Variants in ATE1 observed in about 807,000 individuals in gnomAD.
ATE1 encodes the protein arginyltransferase 1.
ATE1 carries 36 observed loss-of-function variants against 70.5 expected under a neutral mutation model. The ratio of observed to expected loss-of-function variants is 0.51; its 90% CI spans 0.39 to 0.67. The LOEUF (loss-of-function observed/expected upper bound fraction) is 0.67. Ranked by LOEUF, ATE1 falls within the 30% of genes least tolerant of loss-of-function variation. ATE1 has a pLI of 0.00. For synonymous variants in ATE1, 232 were observed against 219.3 expected (o/e 1.06, Z -0.51); for missense variants, 593 against 629.5 (o/e 0.94, Z 0.62).
chr10:121,927,852 C>T lies in ATE1; in HGVS notation c.98G>A (p.Arg33His), dbSNP rs1952165545. 2 of 1,574,332 alleles carry T rather than the reference C, an allele frequency of 1.3e-6. No individual in the cohort carries two copies. The highest frequency in any genetic ancestry group is 8.6e-7 in the Non-Finnish European group (1 of 1,163,282). Residue 33 changes from arginine to histidine, a missense_variant, in exon 1 of 12, where the codon CGC (arginine) becomes CAC (histidine). Transcript: ENST00000224652. The part of the protein sequence containing the change: ...CGYCKNESGS[R>H]SNGMWAHSMT... ...CGGCCCGGCTCGCTCACCATTGGAGCGGCTGCCCGACTCGTTCTTGCAGTA... is the reference window on the plus strand; with the variant it reads ...CGGCCCGGCTCGCTCACCATTGGAGTGGCTGCCCGACTCGTTCTTGCAGTA...
At chr10:121,754,801 T>G (rs1171494673) in intron 11 of ATE1, among the ~76,000 whole-genome samples, 1 of 152,228 alleles carries the variant, frequency 6.6e-6, no homozygotes, top group East Asian at 1.9e-4. Context: ...TGGAGAAACC[T>G]GGTACATTCC....
intron 8 of ATE1, among the ~76,000 whole-genome samples, chr10:121,847,339 T>C (rs1238108337): frequency 1.3e-5 from 2 of 151,958 alleles, no homozygotes; most frequent in Non-Finnish European, 1.5e-5. Flanking sequence ...TCCCAGTTAC[T>C]CAGGAGGCTG....
intron 10 of ATE1, among the ~76,000 whole-genome samples, chr10:121,794,610 CAAA>C (rs71022866): frequency 1.3e-5 from 1 of 77,540 alleles, no homozygotes; most frequent in African/African-American, 5.1e-5. Context: ...ACCCTGTCTC[CAAA>C]AAAAAAAAAA....
At chr10:121,797,589 TAAAA>T (rs35428247) in intron 10 of ATE1, among the ~76,000 whole-genome samples, 12 of 145,312 alleles carry the variant, frequency 8.3e-5, no homozygotes, top group Non-Finnish European at 9.0e-5. Context: ...TGAGTGGGAG[TAAAA>T]AAAAAAAAAA....
chr10:121,797,582 G>T (rs1946708672), intron 10 of ATE1, among the ~76,000 whole-genome samples: 1 of 51,046 alleles, frequency 2.0e-5, no homozygotes, highest in Non-Finnish European at 4.5e-5. Context: ...TCCTATTTGA[G>T]TGGGAGTAAA....
intron 11 of ATE1, among the ~76,000 whole-genome samples, chr10:121,784,942 C>T (rs1334814333): frequency 6.6e-6 from 1 of 152,102 alleles, no homozygotes; most frequent in African/African-American, 2.4e-5. Flanking sequence ...AGAAGACTGT[C>T]CATATTTTCC....
chr10:121,911,606 A>C (rs879856764), intron 4 of ATE1, among the ~76,000 whole-genome samples: 6 of 152,236 alleles, frequency 3.9e-5, no homozygotes, highest in Admixed American at 3.9e-4. Flanking sequence ...CTGAACTTCT[A>C]CCCTTCCCCA....
intron 10 of ATE1, among the ~76,000 whole-genome samples, chr10:121,830,628 A>G (rs1205999009): frequency 1.3e-5 from 2 of 152,214 alleles, no homozygotes; most frequent in East Asian, 1.9e-4. Context: ...TTAATCCCTC[A>G]GTTACCTAAA....
At chr10:121,902,976 C>T (rs1951041880) in intron 5 of ATE1, among the ~76,000 whole-genome samples, 1 of 149,140 alleles carries the variant, frequency 6.7e-6, no homozygotes, top group African/African-American at 2.5e-5. Flanking sequence ...AGCAATTCTC[C>T]TGCCTCAACC....
intron 10 of ATE1, among the ~76,000 whole-genome samples, chr10:121,800,650 T>C (rs1946841619): frequency 6.6e-6 from 1 of 151,934 alleles, no homozygotes; most frequent in African/African-American, 2.4e-5. Context: ...CACTGAACAT[T>C]AGTAGCACTG....
chr10:121,760,103 T>G (rs79833940), intron 11 of ATE1, among the ~76,000 whole-genome samples: 3 of 152,358 alleles, frequency 2.0e-5, no homozygotes, highest in East Asian at 3.9e-4. Context: ...TCAGTTTTTC[T>G]GATTCCTTAC....
At chr10:121,812,781 T>A (rs1188141341) in intron 10 of ATE1, among the ~76,000 whole-genome samples, 3 of 152,176 alleles carry the variant, frequency 2.0e-5, no homozygotes. Context: ...AAGCAGCAAG[T>A]CCCTAGAAAA....
At chr10:121,836,384 G>C (rs1378598454) in intron 10 of ATE1, among the ~76,000 whole-genome samples, 2 of 152,114 alleles carry the variant, frequency 1.3e-5, no homozygotes, top group Non-Finnish European at 2.9e-5. Context: ...CGGTGGGTCT[G>C]CTCCTCTGCA....
At chr10:121,839,772 C>T (rs753820779) in intron 9 of ATE1, among the ~76,000 whole-genome samples, 1 of 152,018 alleles carries the variant, frequency 6.6e-6, no homozygotes, top group Non-Finnish European at 1.5e-5. Context: ...AGACAAAGAA[C>T]TTTATATTGT....
At chr10:121,761,887 A>T (rs17102590) in intron 11 of ATE1, among the ~76,000 whole-genome samples, 3,846 of 152,232 alleles carry the variant, frequency 0.025, 173 homozygotes, top group East Asian at 0.22. Flanking sequence ...GCCATCTGGG[A>T]CAAACAAACT....
intron 9 of ATE1, among the ~76,000 whole-genome samples, chr10:121,838,225 C>G (rs531430849): frequency 6.6e-6 from 1 of 152,058 alleles, no homozygotes; most frequent in Non-Finnish European, 1.5e-5. Context: ...CCCAATCCCC[C>G]ACCCCAGCAG....
chr10:121,841,413 G>A, intron 8 of ATE1, 150 bp from the exon 9 acceptor site: 1 of 484,146 alleles, frequency 2.1e-6, no homozygotes. Context: ...ATATTAAGCT[G>A]CAAAACTTTT....
At chr10:121,857,706 C>G (rs1252415735) in intron 8 of ATE1, among the ~76,000 whole-genome samples, 2 of 152,138 alleles carry the variant, frequency 1.3e-5, no homozygotes, top group Non-Finnish European at 2.9e-5. Flanking sequence ...ACCTACATAC[C>G]CATTTTAACA....
In ATE1 at chr10:121,853,100, T is replaced by C. The variant is rs536792140; in HGVS notation, c.976-11837A>G. Among the ~76,000 whole-genome samples, 11 of 152,228 alleles carry C rather than the reference T, an allele frequency of 7.2e-5. 1 individual carries two copies. The highest frequency in any genetic ancestry group is 2.4e-4 in the African/African-American group (10 of 41,572). On this transcript the variant is annotated intron_variant, in intron 8 of 11. Transcript: ENST00000224652. ...TTTTAAAAAACTAAATTGAAGAGGCTGGGTGCGGTGGCCCAGCACTTTGGG... is the reference window on the plus strand; with the variant it reads ...TTTTAAAAAACTAAATTGAAGAGGCCGGGTGCGGTGGCCCAGCACTTTGGG...
Sources: allele counts gnomAD v4.1 joint callset (sites outside exome capture counted in the v4.1 genomes callset), GRCh38; gene constraint gnomAD v4.1.1; transcripts MANE v1.5; gene names NCBI Gene and HGNC (gene_info 2026-07-23, HGNC 2026-07-21).